NPR2: variants seen among roughly 807,000 people sequenced by gnomAD.
NPR2 encodes atrial natriuretic peptide receptor 2.
NPR2 carries 49 observed loss-of-function variants against 120.7 expected under a neutral mutation model. The ratio of observed to expected loss-of-function variants is 0.41; its 90% CI spans 0.32 to 0.52. The LOEUF (loss-of-function observed/expected upper bound fraction) is 0.52. Ranked by LOEUF, NPR2 falls within the 20% of genes least tolerant of loss-of-function variation. NPR2 has a pLI of 0.36. For missense variants in NPR2, 931 were observed against 1,362.9 expected (o/e 0.68, Z 4.99); for synonymous variants, 484 against 519.8 (o/e 0.93, Z 0.94).
intron 12 of NPR2, among the ~76,000 whole-genome samples, chr9:35,804,256 C>T (rs1828282105): frequency 6.9e-6 from 1 of 144,542 alleles, no homozygotes; most frequent in Non-Finnish European, 1.5e-5. Flanking sequence ...TTTTCTGAGA[C>T]AGGGTCTTAT....
intron 2 of NPR2, among the ~76,000 whole-genome samples, chr9:35,794,782 G>C (rs567110537): frequency 2.0e-5 from 3 of 152,228 alleles, no homozygotes; most frequent in Admixed American, 6.5e-5. Flanking sequence ...TCAGATTAAG[G>C]AGAGCTCTAA....
Position 35,801,664 on chromosome 9 carries a change from G to A in NPR2, c.1458G>A (p.Glu486=), listed in dbSNP as rs528853075. ...ACAGAAAGCTGATGCTGGAGAAGGA[G>A]CTGGCTAGCATGTTGTGGCGTATTC... ...LIFRKLMLEK[E]LASMLWRIRW... is the part of the protein sequence containing the mutation. The change falls in exon 8 of 22, where the codon GAG becomes GAA. Residue 486 remains glutamate, a synonymous_variant. Coordinates refer to ENST00000342694, the MANE Select transcript of NPR2 (RefSeq NM_003995.4). 10 of 1,614,172 alleles carry A rather than the reference G, an allele frequency of 6.2e-6. No individual in the cohort carries two copies. In the South Asian group the frequency reaches 1.1e-4, roughly 18 times the overall value.
rs1303824293 is a variant in NPR2, at chr9:35,808,190, CTT to C, written c.2713-318_2713-317del. On this transcript the variant is annotated intron_variant, in intron 18 of 21. Coordinates refer to ENST00000342694, the MANE Select transcript of NPR2 (RefSeq NM_003995.4). This position sits in a 1 kb window ranked among gnomAD's most constrained non-coding sequence, Gnocchi z 4.0. The stretch of plus-strand genomic sequence containing the variant: ...TTACCTCCTCACCAGCCTCTGTCCT[CTT>C]GAGTTACCGTTTTCTTGCTTCCCAT... The C allele has an allele frequency of 6.2e-7, 1 of 1,614,112 alleles. No homozygotes were observed. Among genetic ancestry groups the C allele is most frequent in the Non-Finnish European group, 8.5e-7 (1 of 1,179,962 alleles).
rs372138820 is a variant in NPR2 at position 35,806,984 on chromosome 9, C to G, written c.2520-39C>G. On this transcript the variant is annotated intron_variant, in intron 16 of 21. Transcript: ENST00000342694. This position sits in a 1 kb window ranked among gnomAD's most constrained non-coding sequence, Gnocchi z 4.6. ...TTTCCCTCTCTCTTCCACTCCTGCT[C>G]TCTTGGAGTTTGGCTCATACGGCAC... 8.7e-6 allele frequency: 14 copies of G among 1,612,286 alleles called. No homozygotes were observed. Among genetic ancestry groups the G allele is most frequent in the South Asian group, 7.7e-5 (7 of 91,026 alleles).
At position 35,792,030 on chromosome 9, in the gene NPR2, A is replaced by ACCCCCCCCCCCCCCCCC; in HGVS notation, c.-376_-375insCCCCCCCCCCCCCCCCC. The ACCCCCCCCCCCCCCCCC allele has an allele frequency of 6.1e-5, 3 of 48,916 alleles. 1 individual carries two copies. Among genetic ancestry groups the ACCCCCCCCCCCCCCCCC allele is most frequent in the Non-Finnish European group, 1.3e-4 (3 of 23,472 alleles). 3.0% of individuals were successfully genotyped at this position (48,916 alleles called of 1,614,324 possible). A position where few individuals can be genotyped will look rare whatever the true frequency, so the allele number is the denominator to read the frequency against. On this transcript the variant is annotated 5_prime_UTR_variant, in exon 1 of 22. It introduces an in-frame stop codon into an upstream open reading frame of the 5' UTR. Transcript: ENST00000342694. ...TTCCCCCAGGCCGTTTCTTTGTACC[A>ACCCCCCCCCCCCCCCCC]CCCGCCCCCCACCCCCACCCCATCC...
At chr9:35,794,856 G>GT (rs1827901376) in intron 2 of NPR2, among the ~76,000 whole-genome samples, 1 of 151,786 alleles carries the variant, frequency 6.6e-6, no homozygotes, top group Non-Finnish European at 1.5e-5. Flanking sequence ...GTGTGTGTGT[G>GT]GAGATAATTA....
chr9:35,809,557 G>T lies in NPR2; in HGVS notation c.*112G>T. The T allele has an allele frequency of 6.3e-7, 1 of 1,576,200 alleles. No individual in the cohort carries two copies. On this transcript the variant is annotated 3_prime_UTR_variant, in exon 22 of 22. Transcript: ENST00000342694. The surrounding 1 kb of genome is among the most constrained non-coding windows in gnomAD (Gnocchi z 4.1). ...ACATTTTCATATGCAATGGAAAACA[G>T]CCACAAAAAAACCTACCTTATATGG...
At position 35,792,578 on chromosome 9, in the gene NPR2, G is replaced by C. The variant is rs754690811; in HGVS notation, c.170G>C (p.Gly57Ala). ...GTGGCACTAGCTGTGGAGGCTCTGGGCCGGGCACTGCCCGTGGACCTGCGG... is the reference window on the plus strand; with the variant it reads ...GTGGCACTAGCTGTGGAGGCTCTGGCCCGGGCACTGCCCGTGGACCTGCGG... ...PAVALAVEAL[G>A]RALPVDLRFV... Residue 57 changes from glycine (G) to alanine (A), a missense_variant, in exon 1 of 22, where the codon GGC (glycine) becomes GCC (alanine). By Grantham distance (60) the Gly-to-Ala change is moderately conservative. This residue lies in a region of NPR2 where 681 missense variants were observed against 974.3 expected (regional missense o/e 0.70). Coordinates refer to ENST00000342694, the MANE Select transcript of NPR2 (RefSeq NM_003995.4). The C allele has an allele frequency of 2.5e-6, 4 of 1,612,874 alleles. No individual in the cohort carries two copies. The highest frequency in any genetic ancestry group is 3.4e-6 in the Non-Finnish European group (4 of 1,180,018).
chr9:35,800,714 A>G lies in NPR2; in HGVS notation c.1224A>G (p.Ala408=). 1 of 1,614,188 alleles carries G rather than the reference A, an allele frequency of 6.2e-7. No homozygotes were observed. Among genetic ancestry groups the G allele is most frequent in the Non-Finnish European group, 8.5e-7 (1 of 1,180,018 alleles). Residue 408 remains alanine (A), a synonymous_variant, in exon 6 of 22, where the codon GCA becomes GCG. Transcript: ENST00000342694. The surrounding 1 kb of genome is among the most constrained non-coding windows in gnomAD (Gnocchi z 4.7). ...GDLDSGDFQP[A]AHYSGAEKQI... ...AGCTTTTTGCTTCCTTACAGCCTGC[A>G]GCCCACTACTCGGGAGCTGAGAAGC...
At chr9:35,797,294 A>G (rs565188283) in intron 2 of NPR2, among the ~76,000 whole-genome samples, 1 of 152,306 alleles carries the variant, frequency 6.6e-6, no homozygotes, top group African/African-American at 2.4e-5. Flanking sequence ...GTGGAACTAA[A>G]TAAGCAATGA....
chr9:35,807,144 C>G lies in NPR2; in HGVS notation c.2641C>G (p.Gln881Glu). ...TALSAESTPM[Q>E]VVTLLNDLYT... ...ATTGTCAGCAGAGAGCACCCCCATG[C>G]AGGTGAGAGCCATGGGTGAGAGGTG... Residue 881 changes from glutamine (Q) to glutamate (E), a missense_variant and splice_region_variant, in exon 17 of 22, where the codon CAG (glutamine) becomes GAG (glutamate). Physicochemically the swap from Gln to Glu is conservative, Grantham distance 29. Around this residue, in one of 3 missense-constraint regions of NPR2, gnomAD observed 184 missense variants for 328.3 expected, o/e 0.56. Coordinates refer to ENST00000342694, the MANE Select transcript of NPR2 (RefSeq NM_003995.4). 2.3e-6 allele frequency: 3 copies of G among 1,315,402 alleles called. No homozygotes were observed. The highest frequency in any genetic ancestry group is 2.0e-6 in the Non-Finnish European group (2 of 987,144). The allele number at this position is 1,315,402 out of a possible 1,614,324, so 81.5% of individuals were successfully genotyped here.
At position 35,792,343 on chromosome 9, in the gene NPR2, C is replaced by G; in HGVS notation, c.-66C>G. ...CCCAGGCTCCAGGCTGGGGGGTGCT[C>G]GCGTCTCCCCTGTAGGCCAGAGCAG... is the stretch of plus-strand genomic sequence containing the variant. On this transcript the variant is annotated 5_prime_UTR_variant, in exon 1 of 22. Transcript: ENST00000342694. 6.5e-7 allele frequency: 1 copy of G among 1,526,970 alleles called. No homozygotes were observed. Among genetic ancestry groups the G allele is most frequent in the South Asian group, 1.2e-5 (1 of 81,946 alleles). The allele number at this position is 1,526,970 out of a possible 1,614,324, so 94.6% of individuals were successfully genotyped here.
Position 35,808,060 on chromosome 9 carries a change from G to A in NPR2, c.2713-449G>A. On this transcript the variant is annotated intron_variant, in intron 18 of 21. Coordinates refer to ENST00000342694, the MANE Select transcript of NPR2 (RefSeq NM_003995.4). This position sits in a 1 kb window ranked among gnomAD's most constrained non-coding sequence, Gnocchi z 4.0. ...TCACTGTGTATTTCCTTAAAACAAT[G>A]GCATTTATTCTCTTACATAGCTTTG... 1.3e-6 allele frequency: 1 copy of A among 766,602 alleles called. No homozygotes were observed. Among genetic ancestry groups the A allele is most frequent in the South Asian group, 1.6e-5 (1 of 62,980 alleles). 47.5% of individuals were successfully genotyped at this position (766,602 alleles called of 1,614,324 possible). A position where few individuals can be genotyped will look rare whatever the true frequency, so the allele number is the denominator to read the frequency against.
Position 35,802,533 on chromosome 9 carries a change from C to T in NPR2, c.1741C>T (p.Arg581Cys), listed in dbSNP as rs374250772. 10 of 1,606,666 alleles carry T rather than the reference C, an allele frequency of 6.2e-6. No individual in the cohort carries two copies. The highest frequency in any genetic ancestry group is 2.7e-5 in the African/African-American group (2 of 74,740). ...MRDVQFNHLT[R>C]FIGACIDPPN... Reference sequence around the variant, plus strand: ...AGATGTTCAGTTCAACCATCTCACTCGCTTCATTGGCGCCTGCATAGACCC... The same window carrying T: ...AGATGTTCAGTTCAACCATCTCACTTGCTTCATTGGCGCCTGCATAGACCC... Residue 581 changes from arginine to cysteine, a missense_variant, in exon 11 of 22, where the codon CGC becomes TGC. Physicochemically the swap from Arg to Cys is radical, Grantham distance 180. This residue lies in a region of NPR2 where 681 missense variants were observed against 974.3 expected (regional missense o/e 0.70). Coordinates refer to ENST00000342694, the MANE Select transcript of NPR2 (RefSeq NM_003995.4). The surrounding 1 kb of genome is among the most constrained non-coding windows in gnomAD (Gnocchi z 4.2).
chr9:35,809,309 A>C lies in NPR2; in HGVS notation c.3078+62A>C. ...GAGGGTGAAAGTGATTATGGGAATC[A>C]TAGGGAAAGAGAGGGAGACAAAGGG... is the stretch of plus-strand genomic sequence containing the variant. On this transcript the variant is annotated intron_variant, in intron 21 of 21. Transcript: ENST00000342694. This position sits in a 1 kb window ranked among gnomAD's most constrained non-coding sequence, Gnocchi z 4.1. The C allele has an allele frequency of 6.2e-7, 1 of 1,611,164 alleles. No homozygotes were observed. Among genetic ancestry groups the C allele is most frequent in the Non-Finnish European group, 8.5e-7 (1 of 1,177,566 alleles).
Position 35,808,322 on chromosome 9 carries a change from A to G in NPR2, c.2713-187A>G, listed in dbSNP as rs1459291837. ...TCACCAGGTGCTGGGTGGAGAAAGAAGACTTAAAGATTCCCTAGACATCTC... is the reference window on the plus strand; with the variant it reads ...TCACCAGGTGCTGGGTGGAGAAAGAGGACTTAAAGATTCCCTAGACATCTC... On this transcript the variant is annotated intron_variant, in intron 18 of 21. Transcript: ENST00000342694. This position sits in a 1 kb window ranked among gnomAD's most constrained non-coding sequence, Gnocchi z 4.0. 6.3e-7 allele frequency: 1 copy of G among 1,575,010 alleles called. No homozygotes were observed. The highest frequency in any genetic ancestry group is 1.1e-5 in the South Asian group (1 of 90,286).
In NPR2 at chr9:35,799,575, A is replaced by G. The variant is rs371932557; in HGVS notation, c.874-43A>G. The G allele has an allele frequency of 2.4e-5, 33 of 1,378,406 alleles. 2 individuals are homozygous for G. Among genetic ancestry groups the G allele is most frequent in the Middle Eastern group, 3.6e-4 (2 of 5,618 alleles). 85.4% of individuals were successfully genotyped at this position (1,378,406 alleles called of 1,614,324 possible). A position where few individuals can be genotyped will look rare whatever the true frequency, so the allele number is the denominator to read the frequency against. Reference sequence around the variant, plus strand: ...TGCATCTTCTCTTCCCATAATGCCTATCTTGAATCCTGTTCACTCTTCCCC... The same window carrying G: ...TGCATCTTCTCTTCCCATAATGCCTGTCTTGAATCCTGTTCACTCTTCCCC... On this transcript the variant is annotated intron_variant, in intron 2 of 21. Transcript: ENST00000342694.
chr9:35,805,819 C>T lies in NPR2; in HGVS notation c.2048-11C>T, dbSNP rs1170568591. 1 of 1,613,952 alleles carries T rather than the reference C, an allele frequency of 6.2e-7. No homozygotes were observed. The highest frequency in any genetic ancestry group is 1.7e-5 in the Admixed American group (1 of 60,016). On this transcript the variant is annotated splice_polypyrimidine_tract_variant and intron_variant, in intron 13 of 21. Transcript: ENST00000342694. The surrounding 1 kb of genome is among the most constrained non-coding windows in gnomAD (Gnocchi z 4.9). Reference sequence around the variant, plus strand: ...TTCGGGGGACCTGGCCAGCCGGTTTCCTCTTTTCAGAGAAGCTGTGGACTG... The same window carrying T: ...TTCGGGGGACCTGGCCAGCCGGTTTTCTCTTTTCAGAGAAGCTGTGGACTG...
In NPR2 at chr9:35,795,732, T is replaced by C. The variant is rs537498621; in HGVS notation, c.873+1629T>C. On this transcript the variant is annotated intron_variant, in intron 2 of 21. Transcript: ENST00000342694. ...TTGTCTGGGTAATGCTTCCATATTC[T>C]TTAAGACTCATACCAGTTATTTTCC... is the stretch of plus-strand genomic sequence containing the variant. Among the ~76,000 whole-genome samples, 7 of 152,356 alleles carry C rather than the reference T, an allele frequency of 4.6e-5. No individual in the cohort carries two copies. The South Asian group carries it at 1.4e-3, about 32-fold the overall frequency.
Sources: allele counts gnomAD v4.1 joint callset (sites outside exome capture counted in the v4.1 genomes callset), GRCh38; gene constraint gnomAD v4.1.1; regional missense constraint gnomAD v4.1.1; non-coding constraint Gnocchi (gnomAD v3.1); transcripts MANE v1.5; gene names NCBI Gene and HGNC (gene_info 2026-07-23, HGNC 2026-07-21).